Variants in GRIK1 observed in about 807,000 individuals in gnomAD.
The protein encoded by GRIK1 is glutamate ionotropic receptor kainate type subunit 1, also known as glutamate receptor ionotropic, kainate 1.
Under a neutral mutation model 105.7 loss-of-function variants are expected in GRIK1, and 69 were observed. The observed-to-expected ratio is 0.65, with a 90% CI of 0.54 to 0.80. GRIK1 has a LOEUF of 0.80. Ranked by LOEUF, GRIK1 falls within the 30% of genes least tolerant of loss-of-function variation. GRIK1 has a pLI of 0.00. For synonymous variants in GRIK1, 438 were observed against 431.3 expected (o/e 1.02, Z -0.19); for missense variants, 1,109 against 1,167.3 (o/e 0.95, Z 0.73).
intron 1 of GRIK1, among the ~76,000 whole-genome samples, chr21:29,935,166 A>G (rs1180492968): frequency 6.6e-6 from 1 of 152,216 alleles, no homozygotes; most frequent in Non-Finnish European, 1.5e-5. Flanking sequence ...GCTAGAACCT[A>G]TTCCAAGTTG....
intron 2 of GRIK1, among the ~76,000 whole-genome samples, chr21:29,692,990 G>T (rs1442303345): frequency 6.6e-6 from 1 of 152,202 alleles, no homozygotes; most frequent in South Asian, 2.1e-4. Flanking sequence ...GATCTAACTA[G>T]ATTAATTCTA....
chr21:29,846,461 GAGAGAAAGAAAGAA>G lies in GRIK1; in HGVS notation c.118+92908_118+92921del, dbSNP rs1454437367. Among the ~76,000 whole-genome samples, 434 of 129,062 alleles carry G rather than the reference GAGAGAAAGAAAGAA, an allele frequency of 3.4e-3. 1 individual carries two copies. Among genetic ancestry groups the G allele is most frequent in the African/African-American group, 3.6e-3 (127 of 35,562 alleles). The allele number at this position is 129,062 out of a possible 152,430, so 84.7% of individuals were successfully genotyped here. Reference sequence around the variant, plus strand: ...GGAAAGAAGGAAAGAAGGAAAGAGAGAGAGAAAGAAAGAAAGAAAGAAAGAAAGAAAGAAAGAAA... The same window carrying G: ...GGAAAGAAGGAAAGAAGGAAAGAGAGAGAAAGAAAGAAAGAAAGAAAGAAA... On this transcript the variant is annotated intron_variant, in intron 1 of 17. Coordinates refer to ENST00000327783, the MANE Select transcript of GRIK1 (RefSeq NM_001330994.2).
At chr21:29,567,645 T>A (rs980579454) in intron 14 of GRIK1, among the ~76,000 whole-genome samples, 1 of 152,170 alleles carries the variant, frequency 6.6e-6, no homozygotes, top group African/African-American at 2.4e-5. Context: ...CAATTTAATT[T>A]TACTTTAGGC....
At chr21:29,693,792 G>A in intron 2 of GRIK1, 104 bp downstream of exon 2, 2 of 800,222 alleles carry the variant, frequency 2.5e-6, no homozygotes, top group Non-Finnish European at 4.2e-6. Context: ...CGACCCATTT[G>A]CACAAAGATG....
intron 14 of GRIK1, among the ~76,000 whole-genome samples, chr21:29,569,642 T>C (rs907626205): frequency 5.3e-5 from 8 of 152,246 alleles, no homozygotes; most frequent in African/African-American, 1.4e-4. Context: ...ACAAGGATCA[T>C]TGGGAAATCC....
At chr21:29,800,662 G>A (rs747068390) in intron 1 of GRIK1, among the ~76,000 whole-genome samples, 4 of 152,202 alleles carry the variant, frequency 2.6e-5, no homozygotes, top group Non-Finnish European at 5.9e-5. Context: ...ACCCGTTCAC[G>A]CATTAGGCTT....
At chr21:29,792,389 G>T (rs1325029071) in intron 1 of GRIK1, among the ~76,000 whole-genome samples, 1 of 152,142 alleles carries the variant, frequency 6.6e-6, no homozygotes, top group Non-Finnish European at 1.5e-5. Flanking sequence ...TGTCTTGTGG[G>T]TGAGGTGAGA....
intron 4 of GRIK1, among the ~76,000 whole-genome samples, chr21:29,668,759 T>G (rs1238904986): frequency 6.6e-6 from 1 of 152,200 alleles, no homozygotes; most frequent in Non-Finnish European, 1.5e-5. Flanking sequence ...TTCTTTAAAT[T>G]CACCTCCTTT....
rs141205214 is a variant in GRIK1, at chr21:29,866,384, T to G, written c.118+72999A>C. Among the ~76,000 whole-genome samples the G allele has an allele frequency of 1.2e-3, 186 of 152,340 alleles. 2 individuals are homozygous for G. The highest frequency in any genetic ancestry group is 4.3e-3 in the African/African-American group (180 of 41,580). Reference sequence around the variant, plus strand: ...CCAGAATTTTTACATGTTTAATTGTTTTTAATTGCTTTCATTTTTTTTTTA... The same window carrying G: ...CCAGAATTTTTACATGTTTAATTGTGTTTAATTGCTTTCATTTTTTTTTTA... On this transcript the variant is annotated intron_variant, in intron 1 of 17. Coordinates refer to ENST00000327783, the MANE Select transcript of GRIK1 (RefSeq NM_001330994.2).
intron 1 of GRIK1, among the ~76,000 whole-genome samples, chr21:29,777,792 T>A (rs946269137): frequency 6.6e-6 from 1 of 152,052 alleles, no homozygotes; most frequent in African/African-American, 2.4e-5. Flanking sequence ...GCAGTCCTGG[T>A]GACAGAACGA....
At chr21:29,919,429 C>G (rs577508867) in intron 1 of GRIK1, among the ~76,000 whole-genome samples, 1 of 152,144 alleles carries the variant, frequency 6.6e-6, no homozygotes, top group African/African-American at 2.4e-5. Flanking sequence ...GTATTCCAGG[C>G]TCTCTGCAAG....
intron 3 of GRIK1, among the ~76,000 whole-genome samples, chr21:29,677,315 AG>A (rs753382100): frequency 2.4e-4 from 37 of 152,360 alleles, no homozygotes; most frequent in Non-Finnish European, 4.7e-4. Context: ...ATATCATAAA[AG>A]CTTCTTCCAC....
intron 1 of GRIK1, among the ~76,000 whole-genome samples, chr21:29,826,787 C>G (rs966522363): frequency 6.6e-6 from 1 of 152,012 alleles, no homozygotes; most frequent in Non-Finnish European, 1.5e-5. Flanking sequence ...CCAGAGAACA[C>G]TAACAGAGGG....
chr21:29,787,813 T>A (rs2066300943), intron 1 of GRIK1, among the ~76,000 whole-genome samples: 1 of 152,232 alleles, frequency 6.6e-6, no homozygotes, highest in South Asian at 2.1e-4. Context: ...TGACTTCATT[T>A]AAATTTTAAT....
chr21:29,867,287 G>A (rs775317315), intron 1 of GRIK1, among the ~76,000 whole-genome samples: 7 of 151,820 alleles, frequency 4.6e-5, no homozygotes, highest in African/African-American at 9.7e-5. Context: ...CAAAAGAAGC[G>A]ATACGACAGA....
chr21:29,597,824 T>C (rs2061444768), intron 8 of GRIK1: 2 of 177,756 alleles, frequency 1.1e-5, no homozygotes, highest in African/African-American at 4.8e-5. Context: ...TAATGTTTTT[T>C]TGAGGGGGAG....
chr21:29,807,744 G>A (rs2066904170), intron 1 of GRIK1, among the ~76,000 whole-genome samples: 1 of 152,062 alleles, frequency 6.6e-6, no homozygotes, highest in Non-Finnish European at 1.5e-5. Flanking sequence ...ATGCTTCATA[G>A]AACCAGACCC....
chr21:29,791,274 T>G (rs1413188218), intron 1 of GRIK1, among the ~76,000 whole-genome samples: 1 of 151,822 alleles, frequency 6.6e-6, no homozygotes, highest in Admixed American at 6.6e-5. Flanking sequence ...GCTGGAGATA[T>G]CTCCCGATTA....
chr21:29,867,854 G>GGAA (rs1569174145), intron 1 of GRIK1, among the ~76,000 whole-genome samples: 1 of 95,194 alleles, frequency 1.1e-5, no homozygotes, highest in Admixed American at 1.4e-4. Flanking sequence ...GAAGGAAAGA[G>GGAA]AGAAAGAGAG....
Sources: allele counts gnomAD v4.1 joint callset (sites outside exome capture counted in the v4.1 genomes callset), GRCh38; gene constraint gnomAD v4.1.1; transcripts MANE v1.5; gene names NCBI Gene and HGNC (gene_info 2026-07-23, HGNC 2026-07-21).